Variants in DOK5 observed in about 807,000 individuals in gnomAD.
DOK5 encodes the protein downstream of tyrosine kinase 5.
In DOK5, 27 loss-of-function variants were observed where a neutral mutation model predicts 43.3. The observed-to-expected ratio is 0.62, with a 90% CI of 0.46 to 0.86. The LOEUF is 0.86. Ranked by LOEUF, DOK5 falls within the 40% of genes least tolerant of loss-of-function variation. The pLI is 0.00. For missense variants in DOK5, 373 were observed against 392.9 expected, an observed-to-expected ratio of 0.95 and a Z score of 0.43; for synonymous variants, 146 against 140.1, an observed-to-expected ratio of 1.04 and a Z score of -0.30.
chr20:54,525,991 T>G (rs1343039147), intron 1 of DOK5, among the ~76,000 whole-genome samples: 1 of 152,166 alleles, frequency 6.6e-6, no homozygotes, highest in Non-Finnish European at 1.5e-5. Flanking sequence ...CATGCCAGCT[T>G]CCAGTGACAG....
intron 2 of DOK5, among the ~76,000 whole-genome samples, chr20:54,563,032 G>C (rs1020445197): frequency 6.6e-6 from 1 of 152,202 alleles, no homozygotes; most frequent in Non-Finnish European, 1.5e-5. Flanking sequence ...CCCACAGGGA[G>C]AAAGCCATGT....
intron 1 of DOK5, among the ~76,000 whole-genome samples, chr20:54,549,654 A>G (rs1306100675): frequency 6.6e-6 from 1 of 152,236 alleles, no homozygotes; most frequent in African/African-American, 2.4e-5. Flanking sequence ...AAGCCAGGCA[A>G]AAACTGTGAA....
intron 7 of DOK5, among the ~76,000 whole-genome samples, chr20:54,647,354 A>C (rs1979480791): frequency 6.6e-6 from 1 of 152,098 alleles, no homozygotes; most frequent in South Asian, 2.1e-4. Context: ...AAAATACAAA[A>C]ATTAGCTGGG....
intron 1 of DOK5, among the ~76,000 whole-genome samples, chr20:54,478,552 A>G (rs528530053): frequency 6.6e-6 from 1 of 152,240 alleles, no homozygotes; most frequent in Admixed American, 6.5e-5. Context: ...AACAGCATTT[A>G]TTAATGGAAT....
At position 54,588,391 on chromosome 20, in the gene DOK5, T is replaced by C; in HGVS notation, c.175-92T>C. ...CAACAGGTTGTGCTCAGCTGTGCTGTGCCATACTGATTTCCGGGCCTCACC... is the reference window on the plus strand; with the variant it reads ...CAACAGGTTGTGCTCAGCTGTGCTGCGCCATACTGATTTCCGGGCCTCACC... On this transcript the variant is annotated intron_variant, in intron 2 of 7. Coordinates refer to ENST00000262593, the MANE Select transcript of DOK5 (RefSeq NM_018431.5). 3.1e-6 allele frequency: 3 copies of C among 976,212 alleles called. 1 individual carries two copies. The highest frequency in any genetic ancestry group is 2.7e-5 in the South Asian group (2 of 74,892). 60.5% of individuals were successfully genotyped at this position (976,212 alleles called of 1,614,324 possible).
intron 1 of DOK5, among the ~76,000 whole-genome samples, chr20:54,510,782 G>A (rs969875441): frequency 3.9e-5 from 6 of 152,060 alleles, no homozygotes; most frequent in Non-Finnish European, 8.8e-5. Flanking sequence ...CTCCCTGCTC[G>A]GCTATTGGGA....
At chr20:54,520,854 G>T (rs1983368064) in intron 1 of DOK5, among the ~76,000 whole-genome samples, 1 of 135,332 alleles carries the variant, frequency 7.4e-6, no homozygotes, top group Admixed American at 7.3e-5. Context: ...AAAATACAGA[G>T]TCCTTCATGG....
At chr20:54,496,237 T>C (rs1982386173) in intron 1 of DOK5, among the ~76,000 whole-genome samples, 1 of 152,210 alleles carries the variant, frequency 6.6e-6, no homozygotes, top group Non-Finnish European at 1.5e-5. Flanking sequence ...TGATTTTAAA[T>C]AGGTGTCATG....
chr20:54,560,515 T>G (rs892308013), intron 2 of DOK5, among the ~76,000 whole-genome samples: 2 of 152,166 alleles, frequency 1.3e-5, no homozygotes, highest in African/African-American at 4.8e-5. Context: ...TTTTTCCAAT[T>G]TAAGTACTTT....
intron 7 of DOK5, among the ~76,000 whole-genome samples, chr20:54,644,705 CAAAAAA>C (rs71196460): frequency 6.6e-5 from 1 of 15,218 alleles, no homozygotes; most frequent in Non-Finnish European, 1.4e-4. Flanking sequence ...GACTCCGTCT[CAAAAAA>C]AAAAAAAAAA....
intron 2 of DOK5, among the ~76,000 whole-genome samples, chr20:54,585,018 A>C (rs917122771): frequency 6.6e-6 from 1 of 152,200 alleles, no homozygotes; most frequent in African/African-American, 2.4e-5. Context: ...ATCTCTGCAA[A>C]ATTTAGTTAT....
chr20:54,523,212 C>T (rs574792077), intron 1 of DOK5, among the ~76,000 whole-genome samples: 14 of 152,252 alleles, frequency 9.2e-5, no homozygotes, highest in African/African-American at 3.4e-4. Context: ...CAAACTTGGC[C>T]TCTTTGAGGG....
chr20:54,481,891 G>A (rs934833936), intron 1 of DOK5, among the ~76,000 whole-genome samples: 1 of 152,178 alleles, frequency 6.6e-6, no homozygotes, highest in African/African-American at 2.4e-5. Flanking sequence ...ATCATAAAGA[G>A]CTTAACACAG....
In DOK5 at chr20:54,610,528, G is replaced by C; in HGVS notation, c.735+5G>C. The C allele has an allele frequency of 6.7e-7, 1 of 1,484,588 alleles. No homozygotes were observed. The allele number at this position is 1,484,588 out of a possible 1,614,324, so 92.0% of individuals were successfully genotyped here. On this transcript the variant is annotated splice_donor_5th_base_variant and intron_variant, in intron 6 of 7. Transcript: ENST00000262593. ...CAGAGTGTGAAAAACTCGATGGTAC[G>C]TTTGGAATTTCTTCCTCGTGTCCCA...
chr20:54,521,316 C>T (rs1038315788), intron 1 of DOK5, among the ~76,000 whole-genome samples: 4 of 151,990 alleles, frequency 2.6e-5, no homozygotes, highest in Admixed American at 1.3e-4. Context: ...GTAGAGATCC[C>T]GCTGGTTAAA....
intron 1 of DOK5, among the ~76,000 whole-genome samples, chr20:54,534,769 A>G (rs1276428991): frequency 3.3e-5 from 5 of 152,018 alleles, no homozygotes; most frequent in Admixed American, 2.0e-4. Flanking sequence ...CACCTTGCAG[A>G]TGCTGTCCCT....
intron 6 of DOK5, among the ~76,000 whole-genome samples, chr20:54,616,792 T>TC (rs1986828162): frequency 7.1e-6 from 1 of 139,924 alleles, no homozygotes; most frequent in Admixed American, 7.0e-5. Flanking sequence ...TTCTTTTTTT[T>TC]TTTTTTTTGT....
intron 1 of DOK5, among the ~76,000 whole-genome samples, chr20:54,549,737 T>C (rs768232659): frequency 4.6e-5 from 7 of 152,176 alleles, no homozygotes; most frequent in African/African-American, 9.6e-5. Context: ...GAGGGATAGT[T>C]AGGAAATGTA....
rs1055454076 is a variant in DOK5, at chr20:54,610,521, A to G, written c.733A>G (p.Met245Val). Residue 245 changes from methionine to valine, a missense_variant and splice_region_variant, in exon 6 of 8, where the codon ATG (methionine) becomes GTG (valine). Transcript: ENST00000262593. Reference sequence around the variant, plus strand: ...CTTGCTACAGAGTGTGAAAAACTCGATGGTACGTTTGGAATTTCTTCCTCG... The same window carrying G: ...CTTGCTACAGAGTGTGAAAAACTCGGTGGTACGTTTGGAATTTCTTCCTCG... ...ERLLQSVKNS[M>V]LQMKMSERAA... 2.7e-6 allele frequency: 4 copies of G among 1,497,454 alleles called. No homozygotes were observed. The Admixed American group carries it at 9.5e-5, about 36-fold the overall frequency. The allele number at this position is 1,497,454 out of a possible 1,614,324, so 92.8% of individuals were successfully genotyped here.
Sources: gnomAD v4.1 joint callset for allele counts (sites outside exome capture counted in the v4.1 genomes callset) on GRCh38, gnomAD v4.1.1 for gene constraint, MANE v1.5 for transcripts, NCBI Gene and HGNC (gene_info 2026-07-23, HGNC 2026-07-21) for gene names.